TIAM2: variants seen among roughly 807,000 people sequenced by gnomAD.
TIAM2 encodes the protein rho guanine nucleotide exchange factor TIAM2.
Under a neutral mutation model 152.9 loss-of-function variants are expected in TIAM2, and 80 were observed. The ratio of observed to expected loss-of-function variants is 0.52; its 90% CI spans 0.44 to 0.63. The LOEUF is 0.63. Among genes scored for constraint, TIAM2 ranks in the 30% least tolerant of loss-of-function variants. The pLI is 0.00. For missense variants in TIAM2, 1,965 were observed against 2,120.1 expected (o/e 0.93, Z 1.44); for synonymous variants, 804 against 838.0 (o/e 0.96, Z 0.70).
intron 1 of TIAM2, among the ~76,000 whole-genome samples, chr6:155,064,040 A>T (rs902030650): frequency 6.6e-6 from 1 of 152,168 alleles, no homozygotes; most frequent in African/African-American, 2.4e-5. Flanking sequence ...GACAGAGGAT[A>T]GACCAGCATA....
At chr6:155,115,570 T>C (rs1179826717) in intron 2 of TIAM2, among the ~76,000 whole-genome samples, 1 of 152,164 alleles carries the variant, frequency 6.6e-6, no homozygotes, top group Non-Finnish European at 1.5e-5. Context: ...GGAGGCTCAC[T>C]TGAGCCCTGG....
At position 154,995,769 on chromosome 6, in the gene TIAM2, T is replaced by G. The variant is rs899133597; in HGVS notation, c.-209+277T>G. Among the ~76,000 whole-genome samples the G allele has an allele frequency of 6.6e-6, 1 of 152,142 alleles. No individual in the cohort carries two copies. The highest frequency in any genetic ancestry group is 1.5e-5 in the Non-Finnish European group (1 of 67,998). On this transcript the variant is annotated intron_variant, in intron 1 of 26. Coordinates refer to ENST00000682666, the MANE Select transcript of TIAM2 (RefSeq NM_012454.4). The surrounding 1 kb of genome is among the most constrained non-coding windows in gnomAD (Gnocchi z 5.2). ...CAGAAGGCTCTGAAACTAGGTCCCC[T>G]GGTCCCCTCGCGCTGCGCGACACGC...
intron 1 of TIAM2, among the ~76,000 whole-genome samples, chr6:155,055,251 A>G (rs138285561): frequency 6.6e-6 from 1 of 152,300 alleles, no homozygotes; most frequent in Non-Finnish European, 1.5e-5. Flanking sequence ...AAATCAAAGT[A>G]CCATACTATA....
intron 14 of TIAM2, among the ~76,000 whole-genome samples, chr6:155,196,466 T>C (rs1295692696): frequency 6.6e-6 from 1 of 152,130 alleles, no homozygotes; most frequent in Non-Finnish European, 1.5e-5. Context: ...AAAGGCATAT[T>C]GGTCTTTCCT....
intron 1 of TIAM2, among the ~76,000 whole-genome samples, chr6:155,043,084 A>G (rs1777084830): frequency 1.3e-5 from 2 of 152,186 alleles, no homozygotes; most frequent in South Asian, 4.1e-4. Context: ...TCTGTGATGC[A>G]GGTGAGGAAG....
At chr6:155,047,090 T>C (rs1199247574) in intron 1 of TIAM2, among the ~76,000 whole-genome samples, 1 of 152,204 alleles carries the variant, frequency 6.6e-6, no homozygotes, top group Non-Finnish European at 1.5e-5. Flanking sequence ...ATCCCGCCTA[T>C]GTAGTGTTTG....
chr6:155,256,821 C>A lies in TIAM2; in HGVS notation c.4806C>A (p.Asp1602Glu). 6.2e-7 allele frequency: 1 copy of A among 1,614,156 alleles called. No homozygotes were observed. Among genetic ancestry groups the A allele is most frequent in the Middle Eastern group, 1.6e-4 (1 of 6,062 alleles). ...GACTGAGGATTTCCGAGGACCCAGA[C>A]GTTCACCCCGAGGCTGAGCAGCAGC... ...FQRLRISEDP[D>E]VHPEAEQQPG... The change falls in exon 27 of 27, where the codon GAC (aspartate) becomes GAA (glutamate). Residue 1602 changes from aspartate to glutamate, a missense_variant. By Grantham distance (45) the Asp-to-Glu change is conservative (BLOSUM62 2). Transcript: ENST00000682666.
chr6:155,193,434 G>A (rs999274974), intron 14 of TIAM2, among the ~76,000 whole-genome samples: 22 of 152,156 alleles, frequency 1.4e-4, no homozygotes, highest in Non-Finnish European at 5.9e-5. Flanking sequence ...GATCTCATTG[G>A]AAAAGTATTG....
chr6:155,172,675 T>TAGATATATAG (rs1780641865), intron 9 of TIAM2, among the ~76,000 whole-genome samples: 1 of 14,628 alleles, frequency 6.8e-5, no homozygotes, highest in African/African-American at 3.7e-4. Flanking sequence ...TATATATATA[T>TAGATATATAG]ATATATATAT....
chr6:155,256,795 A>AGACTGAGGATT lies in TIAM2; in HGVS notation c.4781_4791dup (p.Ser1598AspfsTer2). The AGACTGAGGATT allele has an allele frequency of 6.2e-7, 1 of 1,614,202 alleles. No individual in the cohort carries two copies. The highest frequency in any genetic ancestry group is 8.5e-7 in the Non-Finnish European group (1 of 1,180,050). On this transcript the variant is annotated frameshift_variant, in exon 27 of 27. Coordinates refer to ENST00000682666, the MANE Select transcript of TIAM2 (RefSeq NM_012454.4). LOFTEE classifies it low-confidence loss of function (END_TRUNC). ...TAAAGACATCGAAATTCAGTTCCAGAGACTGAGGATTTCCGAGGACCCAGA... is the reference window on the plus strand; with the variant it reads ...TAAAGACATCGAAATTCAGTTCCAGAGACTGAGGATTGACTGAGGATTTCCGAGGACCCAGA...
chr6:155,252,427 C>T (rs1417308957), intron 23 of TIAM2, among the ~76,000 whole-genome samples: 1 of 152,194 alleles, frequency 6.6e-6, no homozygotes. Flanking sequence ...CTTGATCATG[C>T]CACTGCATTC....
chr6:155,179,117 G>C lies in TIAM2; in HGVS notation c.2602G>C (p.Ala868Pro). 6.2e-7 allele frequency: 1 copy of C among 1,613,964 alleles called. No individual in the cohort carries two copies. The highest frequency in any genetic ancestry group is 2.2e-5 in the East Asian group (1 of 44,862). Reference sequence around the variant, plus strand: ...TGACAATGTTGAGTATTGCATCCCTGCACCATATGAATATATGCAACAACA... The same window carrying C: ...TGACAATGTTGAGTATTGCATCCCTCCACCATATGAATATATGCAACAACA... The part of the protein sequence containing the change: ...VDDNVEYCIP[A>P]PYEYMQQQVY... Residue 868 changes from alanine (A) to proline (P), a missense_variant, in exon 11 of 27, where the codon GCA (alanine) becomes CCA (proline). Coordinates refer to ENST00000682666, the MANE Select transcript of TIAM2 (RefSeq NM_012454.4).
intron 7 of TIAM2, among the ~76,000 whole-genome samples, chr6:155,163,121 A>G (rs113532013): frequency 2.0e-5 from 3 of 152,330 alleles, no homozygotes; most frequent in South Asian, 2.1e-4. Flanking sequence ...GGATTCACCT[A>G]GAAAGCTTGG....
rs1583281169 is a variant in TIAM2, at chr6:155,244,079, G to A, written c.3417G>A (p.Glu1139=). 1 of 1,613,696 alleles carries A rather than the reference G, an allele frequency of 6.2e-7. No homozygotes were observed. The highest frequency in any genetic ancestry group is 1.3e-5 in the African/African-American group (1 of 74,878). ...LQNETFLTQD[E]MESLFGSLPE... is the part of the protein sequence containing the mutation. ...ATGAGACCTTTCTTACCCAAGATGA[G>A]GTAAATAAAATCACCTTCCTTCTGT... Residue 1139 remains glutamate, a splice_region_variant and synonymous_variant, in exon 17 of 27, where the codon GAG becomes GAA. Coordinates refer to ENST00000682666, the MANE Select transcript of TIAM2 (RefSeq NM_012454.4).
rs912034707 is a variant in TIAM2 at position 155,186,630 on chromosome 6, A to G, written c.3064+3130A>G. Among the ~76,000 whole-genome samples the G allele has an allele frequency of 6.6e-6, 1 of 152,154 alleles. No homozygotes were observed. The highest frequency in any genetic ancestry group is 1.5e-5 in the Non-Finnish European group (1 of 68,020). ...TTCCTGTCTGTGGCATGTTCAGCCC[A>G]GCGTTTCACTTGGCAGGAATTCTGA... On this transcript the variant is annotated intron_variant, in intron 14 of 26. Transcript: ENST00000682666. The surrounding 1 kb of genome is among the most constrained non-coding windows in gnomAD (Gnocchi z 4.5).
In TIAM2 at chr6:155,218,104, TTA is replaced by T. The variant is rs1478373868; in HGVS notation, c.3168+6799_3168+6800del. 1.3e-5 allele frequency among the ~76,000 whole-genome samples: 2 copies of T among 152,370 alleles called. No homozygotes were observed. The highest frequency in any genetic ancestry group is 3.9e-4 in the East Asian group (2 of 5,194). ...CTGCATTATTGCAAGATCTTTTTGGTTATGTTTTTGTTAGGCAGTCAAGCTAA... is the reference window on the plus strand; with the variant it reads ...CTGCATTATTGCAAGATCTTTTTGGTTGTTTTTGTTAGGCAGTCAAGCTAA... On this transcript the variant is annotated intron_variant, in intron 15 of 26. Transcript: ENST00000682666. The surrounding 1 kb of genome is among the most constrained non-coding windows in gnomAD (Gnocchi z 4.5).
intron 14 of TIAM2, among the ~76,000 whole-genome samples, chr6:155,199,185 C>T (rs1377050909): frequency 2.0e-5 from 3 of 152,054 alleles, no homozygotes; most frequent in East Asian, 3.8e-4. Flanking sequence ...AAGCGATTCT[C>T]CTGCCTCAGC....
chr6:155,046,902 T>C (rs977678375), intron 1 of TIAM2, among the ~76,000 whole-genome samples: 3 of 152,272 alleles, frequency 2.0e-5, no homozygotes, highest in Non-Finnish European at 2.9e-5. Flanking sequence ...CAGTGTGAGA[T>C]GAGAGATGCA....
rs57280691 is a variant in TIAM2, at chr6:154,997,629, A to ATTTTT, written c.-209+2162_-209+2166dup. 1.3e-3 allele frequency among the ~76,000 whole-genome samples: 80 copies of ATTTTT among 62,106 alleles called. 3 individuals carry two copies. Among genetic ancestry groups the ATTTTT allele is most frequent in the African/African-American group, 4.7e-3 (69 of 14,650 alleles). The allele number at this position is 62,106 out of a possible 152,430, so 40.7% of individuals were successfully genotyped here. A position where few individuals can be genotyped will look rare whatever the true frequency, so the allele number is the denominator to read the frequency against. ...CCGTGAACGAGTGAAGAAAGAATGGATTTTTTTTTTTTTTTTTTTTTTTTT... is the reference window on the plus strand; with the variant it reads ...CCGTGAACGAGTGAAGAAAGAATGGATTTTTTTTTTTTTTTTTTTTTTTTTTTTTT... On this transcript the variant is annotated intron_variant, in intron 1 of 26. Transcript: ENST00000682666.
Sources: gnomAD v4.1 joint callset for allele counts (sites outside exome capture counted in the v4.1 genomes callset) on GRCh38, gnomAD v4.1.1 for gene constraint, Gnocchi (gnomAD v3.1) non-coding constraint, MANE v1.5 for transcripts, NCBI Gene and HGNC (gene_info 2026-07-23, HGNC 2026-07-21) for gene names.